COL26A1: variants seen among roughly 807,000 people sequenced by gnomAD.
The protein encoded by COL26A1 is collagen alpha-1(XXVI) chain.
COL26A1 carries 41 observed loss-of-function variants against 59.3 expected under a neutral mutation model. The observed-to-expected ratio is 0.69, with a 90% confidence interval of 0.54 to 0.90. COL26A1 has a LOEUF of 0.90. COL26A1 is among the 40% of genes least tolerant of loss of function. The pLI is 0.00. For missense variants in COL26A1, 612 were observed against 602.3 expected, an observed-to-expected ratio of 1.02 and a Z score of -0.17; for synonymous variants, 266 against 256.0, an observed-to-expected ratio of 1.04 and a Z score of -0.37.
intron 3 of COL26A1, among the ~76,000 whole-genome samples, chr7:101,517,531 T>G (rs1365047442): frequency 6.6e-6 from 1 of 152,186 alleles, no homozygotes; most frequent in African/African-American, 2.4e-5. Context: ...CTCCCACTTA[T>G]ATAATCATCA....
At chr7:101,473,372 G>A (rs902518786) in intron 3 of COL26A1, among the ~76,000 whole-genome samples, 27 of 152,140 alleles carry the variant, frequency 1.8e-4, no homozygotes, top group African/African-American at 6.0e-4. Context: ...CACTGCGCCC[G>A]GCCTGGGTTG....
intron 1 of COL26A1, among the ~76,000 whole-genome samples, chr7:101,369,070 T>TG (rs1278329709): frequency 2.0e-5 from 3 of 152,052 alleles, no homozygotes; most frequent in Admixed American, 1.3e-4. Context: ...GTCTTCAACT[T>TG]GGCCTTTTTC....
Position 101,517,917 on chromosome 7 carries a change from G to A in COL26A1, c.386-15165G>A, listed in dbSNP as rs182546356. Among the ~76,000 whole-genome samples the A allele has an allele frequency of 3.8e-3, 557 of 145,058 alleles. 3 individuals carry two copies. The highest frequency in any genetic ancestry group is 7.9e-3 in the Middle Eastern group (2 of 254). On this transcript the variant is annotated intron_variant, in intron 3 of 12. Coordinates refer to ENST00000313669, the MANE Select transcript of COL26A1 (RefSeq NM_001278563.3). ...CAGCTTCGAACTCCTGGACTCAAGC[G>A]ATCCTCCCACCTCGGCCTCCCGAGT...
At chr7:101,529,292 G>A (rs1181410650) in intron 3 of COL26A1, among the ~76,000 whole-genome samples, 2 of 152,064 alleles carry the variant, frequency 1.3e-5, no homozygotes. Flanking sequence ...TTTTTGAAAC[G>A]GAGTTTTGCT....
intron 3 of COL26A1, among the ~76,000 whole-genome samples, chr7:101,457,175 G>C (rs866166776): frequency 1.4e-4 from 21 of 152,204 alleles, no homozygotes; most frequent in Middle Eastern, 3.4e-3. Context: ...TCCAACACTG[G>C]GTGCAAGGCT....
rs138352597 is a variant in COL26A1 at position 101,380,211 on chromosome 7, C to T, written c.158+17021C>T. Among the ~76,000 whole-genome samples, 150 of 151,462 alleles carry T rather than the reference C, an allele frequency of 9.9e-4. 1 individual carries two copies. Among genetic ancestry groups the T allele is most frequent in the African/African-American group, 3.3e-3 (138 of 41,270 alleles). The stretch of plus-strand genomic sequence containing the variant: ...TTCACTATATTGGCCAGGCTGGTCT[C>T]GAACTCCTGACTTTATGATCCACCT... On this transcript the variant is annotated intron_variant, in intron 1 of 12. Coordinates refer to ENST00000313669, the MANE Select transcript of COL26A1 (RefSeq NM_001278563.3).
rs547263343 is a variant in COL26A1 at position 101,422,328 on chromosome 7, T to C, written c.281+2229T>C. ...CTCCATCTCAAAAAAAAAAAAATGC[T>C]GGTTTTAAATGCTATACTAGAGAGA... On this transcript the variant is annotated intron_variant, in intron 2 of 12. Transcript: ENST00000313669. Among the ~76,000 whole-genome samples, 45 of 135,024 alleles carry C rather than the reference T, an allele frequency of 3.3e-4. No homozygotes were observed. The South Asian group carries it at 9.1e-3, about 27-fold the overall frequency. The allele number at this position is 135,024 out of a possible 152,430, so 88.6% of individuals were successfully genotyped here.
At chr7:101,531,712 T>TC (rs1795372296) in intron 3 of COL26A1, among the ~76,000 whole-genome samples, 1 of 150,720 alleles carries the variant, frequency 6.6e-6, no homozygotes, top group Non-Finnish European at 1.5e-5. Flanking sequence ...GTCCTGAGAC[T>TC]CCCCCCAACT....
intron 3 of COL26A1, among the ~76,000 whole-genome samples, chr7:101,463,896 T>C (rs1443967160): frequency 0.034 from 2,117 of 63,020 alleles, 81 homozygotes; most frequent in African/African-American, 0.12. Flanking sequence ...TTTCTTTCTT[T>C]CTTTCTTTTT....
Position 101,555,755 on chromosome 7 carries a change from G to A in COL26A1, c.1081-32G>A, listed in dbSNP as rs115918422. On this transcript the variant is annotated intron_variant, in intron 11 of 12. Transcript: ENST00000313669. Reference sequence around the variant, plus strand: ...TGGCCCTGACCCCTTCCTCATGGCCGGCCCTGACCCTGCCTGTTTCCTCCC... The same window carrying A: ...TGGCCCTGACCCCTTCCTCATGGCCAGCCCTGACCCTGCCTGTTTCCTCCC... 514 of 1,567,684 alleles carry A rather than the reference G, an allele frequency of 3.3e-4. 5 individuals are homozygous for A. In the African/African-American group the frequency reaches 6.3e-3, roughly 19 times the overall value.
chr7:101,398,467 T>TAAGA (rs1791910457), intron 1 of COL26A1, among the ~76,000 whole-genome samples: 1 of 152,184 alleles, frequency 6.6e-6, no homozygotes, highest in African/African-American at 2.4e-5. Flanking sequence ...ATTGGGCTTA[T>TAAGA]GGACATGTCC....
intron 3 of COL26A1, among the ~76,000 whole-genome samples, chr7:101,531,386 T>G (rs1243161192): frequency 6.6e-6 from 1 of 152,256 alleles, no homozygotes; most frequent in Non-Finnish European, 1.5e-5. Flanking sequence ...TTTGGTGAAG[T>G]CCTGCCTGGT....
chr7:101,397,422 TTTCTC>T (rs1791882280), intron 1 of COL26A1, among the ~76,000 whole-genome samples: 3 of 151,492 alleles, frequency 2.0e-5, no homozygotes, highest in African/African-American at 7.3e-5. Context: ...TCTTCTTTCT[TTTCTC>T]TTTCTTTACT....
At chr7:101,363,629 G>A (rs1404600662) in intron 1 of COL26A1, among the ~76,000 whole-genome samples, 1 of 132,662 alleles carries the variant, frequency 7.5e-6, no homozygotes, top group Non-Finnish European at 1.5e-5. Flanking sequence ...GGGCTGCGGG[G>A]TTGCGGGGGC....
intron 3 of COL26A1, 41 bp from the exon 4 acceptor site, chr7:101,533,041 G>A: frequency 6.7e-7 from 1 of 1,501,666 alleles, no homozygotes; most frequent in South Asian, 1.2e-5. Context: ...TCTTCCTAGG[G>A]TCTACACTCT....
intron 7 of COL26A1, among the ~76,000 whole-genome samples, chr7:101,546,260 A>T (rs1795733574): frequency 6.6e-6 from 1 of 151,960 alleles, no homozygotes; most frequent in South Asian, 2.1e-4. Flanking sequence ...ATTTTTTTTG[A>T]CATAGGGTCT....
intron 1 of COL26A1, among the ~76,000 whole-genome samples, chr7:101,399,525 T>C (rs1791942455): frequency 6.6e-6 from 1 of 152,100 alleles, no homozygotes; most frequent in Non-Finnish European, 1.5e-5. Flanking sequence ...GATTTCACCA[T>C]TTTGCCCAGG....
intron 3 of COL26A1, among the ~76,000 whole-genome samples, chr7:101,463,296 G>T (rs7802494): frequency 6.6e-6 from 1 of 151,830 alleles, no homozygotes; most frequent in Admixed American, 6.6e-5. Flanking sequence ...GCCTTATTTC[G>T]CTTAGCATTA....
At chr7:101,551,513 A>G (rs1795861684) in intron 10 of COL26A1, among the ~76,000 whole-genome samples, 1 of 152,140 alleles carries the variant, frequency 6.6e-6, no homozygotes, top group Non-Finnish European at 1.5e-5. Flanking sequence ...GCCTTCCTTT[A>G]ATCGACTTTC....
Sources: gnomAD v4.1 joint callset for allele counts (sites outside exome capture counted in the v4.1 genomes callset) on GRCh38, gnomAD v4.1.1 for gene constraint, MANE v1.5 for transcripts, NCBI Gene and HGNC (gene_info 2026-07-23, HGNC 2026-07-21) for gene names.